Variants in ZFP62 observed in about 807,000 individuals in gnomAD.
ZFP62 encodes the protein ZFP62 zinc finger protein.
In ZFP62, 44 loss-of-function variants were observed where a neutral mutation model predicts 56.4. The observed-to-expected ratio is 0.78, with a 90% CI of 0.61 to 1.00. ZFP62 has a LOEUF of 1.00. Ranked by LOEUF, ZFP62 falls within the 50% of genes least tolerant of loss-of-function variation. ZFP62 has a pLI of 0.00. For synonymous variants in ZFP62, 421 were observed against 388.9 expected, an observed-to-expected ratio of 1.08 and a Z score of -0.97; for missense variants, 1,030 against 1,085.7, an observed-to-expected ratio of 0.95 and a Z score of 0.72.
rs1773483798 is a variant in ZFP62, at chr5:180,848,142, A to AT, written c.*649dup. 2 of 985,404 alleles carry AT rather than the reference A, an allele frequency of 2.0e-6. No homozygotes were observed. Among genetic ancestry groups the AT allele is most frequent in the Non-Finnish European group, 2.4e-6 (2 of 829,930 alleles). The allele number at this position is 985,404 out of a possible 1,614,324, so 61.0% of individuals were successfully genotyped here. Reference sequence around the variant, plus strand: ...CACAATAGTACGTTCATCAATTTGCATTTTTTATGAGTGACTCTCTCCTAT... The same window carrying AT: ...CACAATAGTACGTTCATCAATTTGCATTTTTTTATGAGTGACTCTCTCCTAT... On this transcript the variant is annotated 3_prime_UTR_variant, in exon 2 of 2. Coordinates refer to ENST00000502412, the MANE Select transcript of ZFP62 (RefSeq NM_001172638.2).
the ZFP62 span, chr5:180,832,979 TTTGG>T: frequency 1.3e-5 from 2 of 152,048 alleles, no homozygotes; most frequent in African/African-American, 2.4e-5. Flanking sequence ...AAGGTGAGGG[TTTGG>T]TTGTTGTGTC....
At chr5:180,853,225 A>C (rs1773803930) in intron 1 of ZFP62, among the ~76,000 whole-genome samples, 1 of 152,270 alleles carries the variant, frequency 6.6e-6, no homozygotes, top group Non-Finnish European at 1.5e-5. Flanking sequence ...GCATATACAC[A>C]ACGGAGTACT....
chr5:180,857,298 G>C (rs1448459743), intron 1 of ZFP62, among the ~76,000 whole-genome samples: 1 of 148,288 alleles, frequency 6.7e-6, no homozygotes, highest in Non-Finnish European at 1.5e-5. Flanking sequence ...TTTAGGCTTT[G>C]TGGGCCACAC....
At chr5:180,836,629 G>T in the ZFP62 span, among the ~76,000 whole-genome samples, 1 of 152,186 alleles carries the variant, frequency 6.6e-6, no homozygotes, top group Non-Finnish European at 1.5e-5. Context: ...TTTTTAGGGG[G>T]CACAAGTGAA....
chr5:180,828,182 T>G, the ZFP62 span, among the ~76,000 whole-genome samples: 468 of 152,326 alleles, frequency 3.1e-3, 4 homozygotes, highest in African/African-American at 8.2e-3. Flanking sequence ...AGTCTCTCGT[T>G]CCACCTAACG....
downstream of ZFP62, among the ~76,000 whole-genome samples, chr5:180,843,251 T>A (rs1287225640): frequency 6.6e-6 from 1 of 151,988 alleles, no homozygotes; most frequent in Non-Finnish European, 1.5e-5. Flanking sequence ...CAATTAACAT[T>A]AGGCTTTGGT....
intron 1 of ZFP62, among the ~76,000 whole-genome samples, chr5:180,855,216 C>A (rs1773906121): frequency 6.6e-6 from 1 of 152,160 alleles, no homozygotes; most frequent in Non-Finnish European, 1.5e-5. Context: ...TGATGGGAAT[C>A]TTTTTACTGT....
downstream of ZFP62, among the ~76,000 whole-genome samples, chr5:180,844,005 T>C (rs1170608960): frequency 6.6e-6 from 1 of 152,248 alleles, no homozygotes; most frequent in South Asian, 2.1e-4. Context: ...TGGAATCTGT[T>C]GTGATTTCCC....
At chr5:180,840,892 G>A in the ZFP62 span, among the ~76,000 whole-genome samples, 1 of 151,892 alleles carries the variant, frequency 6.6e-6, no homozygotes, top group Non-Finnish European at 1.5e-5. Context: ...TGCTATCACA[G>A]TATTTCTGTT....
chr5:180,844,280 T>A (rs1002207124), downstream of ZFP62, among the ~76,000 whole-genome samples: 2 of 152,206 alleles, frequency 1.3e-5, no homozygotes, highest in African/African-American at 4.8e-5. Flanking sequence ...TTTCCCTCAT[T>A]TTACAGATGG....
At chr5:180,833,496 A>G in the ZFP62 span, among the ~76,000 whole-genome samples, 5 of 150,920 alleles carry the variant, frequency 3.3e-5, no homozygotes, top group Admixed American at 1.3e-4. Context: ...AAAAAAAAAA[A>G]AGAGAACAGA....
At position 180,850,361 on chromosome 5, in the gene ZFP62, TG is replaced by T; in HGVS notation, c.1133del (p.Ser378Ter). The T allele has an allele frequency of 6.4e-7, 1 of 1,566,756 alleles. No homozygotes were observed. On this transcript the variant is annotated frameshift_variant, in exon 2 of 2. Coordinates refer to ENST00000502412, the MANE Select transcript of ZFP62 (RefSeq NM_001172638.2). LOFTEE classifies it high-confidence loss of function. Reference sequence around the variant, plus strand: ...GGATCCTTTTATGCACTATGAGGCCTGAGCTGTTCCTGAAAGCCTTCCCACA... The same window carrying T: ...GGATCCTTTTATGCACTATGAGGCCTAGCTGTTCCTGAAAGCCTTCCCACA... ...DECGKAFRNSSGLIVHKRIHT... is the reference protein window; with the variant it reads ...DECGKAFRNSXGLIVHKRIHT...
chr5:180,840,817 GT>G, the ZFP62 span, among the ~76,000 whole-genome samples: 1 of 151,614 alleles, frequency 6.6e-6, no homozygotes, highest in Non-Finnish European at 1.5e-5. Context: ...GTGTGTGTGT[GT>G]GTGTTGGGGT....
rs1561902959 is a variant in ZFP62 at position 180,849,773 on chromosome 5, CGA to C, written c.1720_1721del (p.Ser574GlufsTer6). 24 of 1,551,306 alleles carry C rather than the reference CGA, an allele frequency of 1.5e-5. No homozygotes were observed. Among genetic ancestry groups the C allele is most frequent in the Non-Finnish European group, 2.1e-5 (24 of 1,146,998 alleles). Reference sequence around the variant, plus strand: ...GTACACTTTTATGATTTATAAGGCTCGAGAGAGAGATGTATGCTTTCCCACAT... The same window carrying C: ...GTACACTTTTATGATTTATAAGGCTCGAGAGAGATGTATGCTTTCCCACAT... ...EECGKAYISL[S>X]SLINHKSVHP... On this transcript the variant is annotated frameshift_variant, in exon 2 of 2. Coordinates refer to ENST00000502412, the MANE Select transcript of ZFP62 (RefSeq NM_001172638.2). LOFTEE classifies it high-confidence loss of function.
At position 180,848,575 on chromosome 5, in the gene ZFP62, G is replaced by C; in HGVS notation, c.*217C>G. ...ACTCAGATCTAAGTTTTTCTCTCAAGTATGGACTGTTTTATATCCTGTAAG... is the reference window on the plus strand; with the variant it reads ...ACTCAGATCTAAGTTTTTCTCTCAACTATGGACTGTTTTATATCCTGTAAG... On this transcript the variant is annotated 3_prime_UTR_variant, in exon 2 of 2. Coordinates refer to ENST00000502412, the MANE Select transcript of ZFP62 (RefSeq NM_001172638.2). 7.9e-7 allele frequency: 1 copy of C among 1,268,944 alleles called. No individual in the cohort carries two copies. The highest frequency in any genetic ancestry group is 9.9e-7 in the Non-Finnish European group (1 of 1,007,982). The allele number at this position is 1,268,944 out of a possible 1,614,324, so 78.6% of individuals were successfully genotyped here.
At chr5:180,859,318 T>A (rs1774177830) in intron 1 of ZFP62, among the ~76,000 whole-genome samples, 1 of 152,120 alleles carries the variant, frequency 6.6e-6, no homozygotes, top group Admixed American at 6.5e-5. Context: ...CAAGAGAAAG[T>A]GACAAAATGC....
At position 180,848,806 on chromosome 5, in the gene ZFP62, T is replaced by G; in HGVS notation, c.2689A>C (p.Arg897=). The G allele has an allele frequency of 6.5e-7, 1 of 1,531,756 alleles. No homozygotes were observed. The highest frequency in any genetic ancestry group is 8.8e-7 in the Non-Finnish European group (1 of 1,133,774). The allele number at this position is 1,531,756 out of a possible 1,614,324, so 94.9% of individuals were successfully genotyped here. Residue 897 remains arginine, a synonymous_variant, in exon 2 of 2, where the codon AGG becomes CGG. Coordinates refer to ENST00000502412, the MANE Select transcript of ZFP62 (RefSeq NM_001172638.2). ...GGNALDGGRM[R]MPL is the part of the protein sequence containing the mutation. Reference sequence around the variant, plus strand: ...AGCTCTGCCTGCTACAGAGGCATCCTCATCCTGCCCCCATCCAGGGCATTC... The same window carrying G: ...AGCTCTGCCTGCTACAGAGGCATCCGCATCCTGCCCCCATCCAGGGCATTC...
rs769403104 is a variant in ZFP62, at chr5:180,861,273, G to A, written c.-54C>T. On this transcript the variant is annotated 5_prime_UTR_variant, in exon 1 of 2. Coordinates refer to ENST00000502412, the MANE Select transcript of ZFP62 (RefSeq NM_001172638.2). ...CGCCAGCGGGACAAAAGCGCGGACC[G>A]CACGGCCGGAAGAACCCGCGCCGGC... 12 of 397,198 alleles carry A rather than the reference G, an allele frequency of 3.0e-5. No homozygotes were observed. The highest frequency in any genetic ancestry group is 4.4e-5 in the Non-Finnish European group (10 of 225,168). The allele number at this position is 397,198 out of a possible 1,614,324, so 24.6% of individuals were successfully genotyped here. A position where few individuals can be genotyped will look rare whatever the true frequency, so the allele number is the denominator to read the frequency against.
chr5:180,828,836 G>C, the ZFP62 span, among the ~76,000 whole-genome samples: 1 of 152,176 alleles, frequency 6.6e-6, no homozygotes, highest in Non-Finnish European at 1.5e-5. Flanking sequence ...CGTGCAAGTA[G>C]GGAAGATATT....
Sources: allele counts gnomAD v4.1 joint callset (sites outside exome capture counted in the v4.1 genomes callset), GRCh38; gene constraint gnomAD v4.1.1; transcripts MANE v1.5; gene names NCBI Gene and HGNC (gene_info 2026-07-23, HGNC 2026-07-21).